The following TET1 variants were observed in gnomAD, a reference collection of about 807,000 sequenced individuals.
TET1 encodes tet methylcytosine dioxygenase 1.
In TET1, 13 loss-of-function variants were observed where a neutral mutation model predicts 148.7. The observed-to-expected ratio is 0.09, with a 90% CI of 0.06 to 0.14. The LOEUF is 0.14. TET1 is among the 10% of genes least tolerant of loss of function. The pLI, the probability that TET1 is intolerant of heterozygous loss-of-function variation, is 1.00. For missense variants in TET1, 2,182 were observed against 2,553.8 expected, an observed-to-expected ratio of 0.85 and a Z score of 3.14; for synonymous variants, 907 against 937.2, an observed-to-expected ratio of 0.97 and a Z score of 0.59.
At chr10:68,665,537 A>T (rs2055185827) in intron 6 of TET1, among the ~76,000 whole-genome samples, 1 of 152,168 alleles carries the variant, frequency 6.6e-6, no homozygotes, top group South Asian at 2.1e-4. Context: ...CATTGTGCTT[A>T]ATTTTCTATT....
At chr10:68,660,515 A>G (rs2055092124) in intron 6 of TET1, among the ~76,000 whole-genome samples, 1 of 150,810 alleles carries the variant, frequency 6.6e-6, no homozygotes, top group East Asian at 2.0e-4. Flanking sequence ...TAATTTTTGT[A>G]TTTTTTAGTA....
chr10:68,627,566 G>A (rs1454986025), intron 3 of TET1, among the ~76,000 whole-genome samples: 3 of 151,736 alleles, frequency 2.0e-5, no homozygotes, highest in South Asian at 2.1e-4. Flanking sequence ...ACTGCACTCC[G>A]GTCTGGGTGA....
chr10:68,653,751 C>T (rs1346372726), intron 6 of TET1, among the ~76,000 whole-genome samples: 3 of 152,118 alleles, frequency 2.0e-5, no homozygotes, highest in Non-Finnish European at 2.9e-5. Flanking sequence ...GCTTTAGTAA[C>T]GATGGTCTCC....
intron 3 of TET1, among the ~76,000 whole-genome samples, chr10:68,624,644 CTTTCTTTCTTTCTT>C (rs1402874521): frequency 4.7e-4 from 24 of 51,466 alleles, no homozygotes; most frequent in South Asian, 1.4e-3. Context: ...TTCTTTCTTT[CTTTCTTTCTTTCTT>C]TCTCTCTCTC....
intron 3 of TET1, among the ~76,000 whole-genome samples, chr10:68,622,471 C>T (rs992289453): frequency 4.6e-5 from 7 of 151,916 alleles, no homozygotes; most frequent in African/African-American, 9.7e-5. Flanking sequence ...TCACCATGTT[C>T]GCCAGGCTGG....
intron 3 of TET1, among the ~76,000 whole-genome samples, chr10:68,618,164 G>T (rs919018937): frequency 6.6e-6 from 1 of 152,014 alleles, no homozygotes; most frequent in East Asian, 1.9e-4. Flanking sequence ...AGTAAAAAAT[G>T]CTTATGGCTT....
At chr10:68,567,554 A>G (rs547956819) in intron 1 of TET1, among the ~76,000 whole-genome samples, 68 of 151,918 alleles carry the variant, frequency 4.5e-4, no homozygotes, top group African/African-American at 1.6e-3. Context: ...TCCGCCTCCA[A>G]TAGTGCTGGG....
chr10:68,577,765 A>C (rs924452017), intron 2 of TET1, among the ~76,000 whole-genome samples: 2 of 152,194 alleles, frequency 1.3e-5, no homozygotes. Flanking sequence ...CCAAGATCGC[A>C]TAATTGCACT....
Position 68,572,714 on chromosome 10 carries a change from A to C in TET1, c.376A>C (p.Lys126Gln), listed in dbSNP as rs759234005. 6.2e-7 allele frequency: 1 copy of C among 1,614,056 alleles called. No homozygotes were observed. Among genetic ancestry groups the C allele is most frequent in the Non-Finnish European group, 8.5e-7 (1 of 1,180,050 alleles). The change falls in exon 2 of 12, where the codon AAA becomes CAA. Residue 126 changes from lysine (K) to glutamine (Q), a missense_variant. Lys to Gln is a moderately conservative substitution (Grantham distance 53, BLOSUM62 1). Coordinates refer to ENST00000373644, the MANE Select transcript of TET1 (RefSeq NM_030625.3). ...SQPPLVVAKS[K>Q]KVPLSKGLEK... ...ACCCCCACTGGTCGTAGCCAAATCC[A>C]AAAAGGTTCCACTTTCTAAGGGTTT... is the stretch of plus-strand genomic sequence containing the variant.
intron 3 of TET1, among the ~76,000 whole-genome samples, chr10:68,613,329 CT>C (rs1337390381): frequency 1.4e-5 from 2 of 147,626 alleles, no homozygotes; most frequent in East Asian, 3.9e-4. Context: ...GTAAAAAAAT[CT>C]TTTGATTTGA....
chr10:68,567,225 A>G (rs192291594), intron 1 of TET1, among the ~76,000 whole-genome samples: 5 of 152,332 alleles, frequency 3.3e-5, no homozygotes, highest in African/African-American at 1.2e-4. Context: ...AGATGAAGGA[A>G]CATGGACTCA....
intron 3 of TET1, among the ~76,000 whole-genome samples, chr10:68,624,638 TTCTTTCTTTCTTTCTTTCTTTCTCTC>T (rs1235824072): frequency 9.3e-4 from 44 of 47,192 alleles, no homozygotes; most frequent in African/African-American, 5.3e-3. Flanking sequence ...CTTTCTTTCT[TTCTTTCTTTCTTTCTTTCTTTCTCTC>T]TCTCTCTCTC....
At chr10:68,687,771 A>G (rs367604366) in intron 11 of TET1, among the ~76,000 whole-genome samples, 2 of 152,076 alleles carry the variant, frequency 1.3e-5, no homozygotes, top group East Asian at 1.9e-4. Flanking sequence ...TGTATTTTTT[A>G]TAGAGATAGG....
intron 3 of TET1, among the ~76,000 whole-genome samples, chr10:68,606,571 C>G (rs931116839): frequency 4.0e-5 from 6 of 151,538 alleles, no homozygotes; most frequent in Non-Finnish European, 7.4e-5. Context: ...AGATCAAATA[C>G]TAAGCTTGAC....
At chr10:68,609,744 A>G (rs1003490358) in intron 3 of TET1, among the ~76,000 whole-genome samples, 8 of 152,172 alleles carry the variant, frequency 5.3e-5, no homozygotes, top group Non-Finnish European at 1.0e-4. Flanking sequence ...GTTATTTTAT[A>G]TATATATAGC....
chr10:68,588,142 G>A (rs565751180), intron 2 of TET1, among the ~76,000 whole-genome samples: 10 of 152,146 alleles, frequency 6.6e-5, no homozygotes, highest in Non-Finnish European at 1.2e-4. Flanking sequence ...GATTACAGGC[G>A]TCGGCCACCT....
chr10:68,627,226 G>A (rs1027160446), intron 3 of TET1, among the ~76,000 whole-genome samples: 7 of 152,032 alleles, frequency 4.6e-5, no homozygotes, highest in African/African-American at 1.4e-4. Context: ...TGGCCAACAC[G>A]GTAAAACCCC....
intron 1 of TET1, among the ~76,000 whole-genome samples, chr10:68,567,622 A>G (rs1331702627): frequency 6.6e-6 from 1 of 150,502 alleles, no homozygotes; most frequent in African/African-American, 2.4e-5. Context: ...TCTATTTTTA[A>G]TTTTTCTCAG....
At chr10:68,602,875 T>G (rs1321356040) in intron 3 of TET1, among the ~76,000 whole-genome samples, 1 of 152,224 alleles carries the variant, frequency 6.6e-6, no homozygotes, top group Non-Finnish European at 1.5e-5. Flanking sequence ...TAGACATAAT[T>G]TTTTTTCTCA....
Sources: allele counts gnomAD v4.1 joint callset (sites outside exome capture counted in the v4.1 genomes callset), GRCh38; gene constraint gnomAD v4.1.1; transcripts MANE v1.5; gene names NCBI Gene and HGNC (gene_info 2026-07-23, HGNC 2026-07-21).